MAN1C1: variants seen among roughly 807,000 people sequenced by gnomAD.
MAN1C1 encodes the protein mannosidase alpha class 1C member 1, also known as mannosyl-oligosaccharide 1,2-alpha-mannosidase IC.
In MAN1C1, 49 loss-of-function variants were observed where a neutral mutation model predicts 71.5. The observed-to-expected ratio is 0.69, with a 90% CI of 0.54 to 0.87. MAN1C1 has a LOEUF of 0.87. Ranked by LOEUF, MAN1C1 falls within the 40% of genes least tolerant of loss-of-function variation. The probability of loss-of-function intolerance (pLI) is 0.00; values close to 1 mark genes in which losing one functional copy is unlikely to be tolerated. For synonymous variants in MAN1C1, 352 were observed against 343.7 expected (o/e 1.02, Z -0.27); for missense variants, 743 against 835.0 (o/e 0.89, Z 1.36).
intron 2 of MAN1C1, among the ~76,000 whole-genome samples, chr1:25,733,568 C>T (rs576700545): frequency 6.6e-6 from 1 of 152,236 alleles, no homozygotes; most frequent in Admixed American, 6.5e-5. Flanking sequence ...TCCTCCTTAG[C>T]CACTCTGTTT....
intron 2 of MAN1C1, among the ~76,000 whole-genome samples, chr1:25,738,564 G>A (rs755291012): frequency 1.5e-4 from 23 of 152,196 alleles, no homozygotes; most frequent in Non-Finnish European, 1.0e-4. Context: ...GCACAACAGG[G>A]GACAGCTTGT....
At chr1:25,704,398 C>T (rs993257966) in intron 2 of MAN1C1, among the ~76,000 whole-genome samples, 7 of 152,236 alleles carry the variant, frequency 4.6e-5, no homozygotes, top group Non-Finnish European at 8.8e-5. Flanking sequence ...CATATCCTAT[C>T]CTTAGACCCA....
At chr1:25,677,873 T>TA (rs57948504) in intron 1 of MAN1C1, among the ~76,000 whole-genome samples, 5 of 140,182 alleles carry the variant, frequency 3.6e-5, no homozygotes, top group Admixed American at 7.0e-5. Context: ...TTTTTTTTTT[T>TA]AATCAAAACC....
At chr1:25,714,939 C>A (rs2046660791) in intron 2 of MAN1C1, among the ~76,000 whole-genome samples, 1 of 152,180 alleles carries the variant, frequency 6.6e-6, no homozygotes, top group Non-Finnish European at 1.5e-5. Flanking sequence ...TGCAAAAAAA[C>A]TCAAGCCCAT....
chr1:25,665,855 CTTTTTTTTT>C (rs757054975), intron 1 of MAN1C1, among the ~76,000 whole-genome samples: 1 of 96,914 alleles, frequency 1.0e-5, no homozygotes. Context: ...TTGGCATTGG[CTTTTTTTTT>C]TTTTTTTTTT....
At chr1:25,780,728 G>A (rs11808260) in intron 9 of MAN1C1, 7,357 of 532,300 alleles carry the variant, frequency 0.014, 425 homozygotes, top group African/African-American at 0.12. Flanking sequence ...TCCAGTCCCC[G>A]AGGGTCTTGT....
At chr1:25,743,521 AG>A (rs2047088805) in intron 2 of MAN1C1, among the ~76,000 whole-genome samples, 1 of 152,212 alleles carries the variant, frequency 6.6e-6, no homozygotes, top group Non-Finnish European at 1.5e-5. Context: ...AAGGCTTTCC[AG>A]TAAGTGCCTT....
chr1:25,662,088 C>T (rs1439826690), intron 1 of MAN1C1, among the ~76,000 whole-genome samples: 1 of 152,194 alleles, frequency 6.6e-6, no homozygotes, highest in Non-Finnish European at 1.5e-5. Flanking sequence ...TCTGTTGTCC[C>T]CTCACTTATA....
intron 1 of MAN1C1, among the ~76,000 whole-genome samples, chr1:25,672,286 C>T (rs1041834619): frequency 6.6e-6 from 1 of 152,216 alleles, no homozygotes; most frequent in Non-Finnish European, 1.5e-5. Context: ...TGCTTACCTA[C>T]ATTGGGCGAG....
intron 1 of MAN1C1, among the ~76,000 whole-genome samples, chr1:25,663,115 A>T (rs12410410): frequency 0.088 from 12,996 of 147,698 alleles, 1,250 homozygotes; most frequent in East Asian, 0.22. Context: ...ACATATATAT[A>T]TTTTATTTAT....
intron 1 of MAN1C1, among the ~76,000 whole-genome samples, chr1:25,673,430 G>T (rs1042553551): frequency 1.1e-4 from 17 of 152,148 alleles, no homozygotes; most frequent in African/African-American, 4.1e-4. Flanking sequence ...TGATACTTGG[G>T]CAAGTACCTC....
rs769741354 is a variant in MAN1C1 at position 25,764,825 on chromosome 1, G to A, written c.1141+858G>A. On this transcript the variant is annotated intron_variant, in intron 7 of 11. Transcript: ENST00000374332. The surrounding 1 kb of genome is among the most constrained non-coding windows in gnomAD (Gnocchi z 4.4). ...CACCTGACGGGAGGCCGAGGCAGGC[G>A]GATCACGAGGTCAGGAGTTCTAGAC... Among the ~76,000 whole-genome samples, 6 of 152,010 alleles carry A rather than the reference G, an allele frequency of 3.9e-5. No homozygotes were observed. Among genetic ancestry groups the A allele is most frequent in the Non-Finnish European group, 8.8e-5 (6 of 68,012 alleles).
intron 1 of MAN1C1, among the ~76,000 whole-genome samples, chr1:25,647,952 G>T (rs1403531422): frequency 6.6e-6 from 1 of 152,120 alleles, no homozygotes; most frequent in Admixed American, 6.5e-5. Context: ...GTGCTGCAGG[G>T]CTATCCTCCC....
At chr1:25,713,781 A>G (rs561480487) in intron 2 of MAN1C1, among the ~76,000 whole-genome samples, 69 of 152,188 alleles carry the variant, frequency 4.5e-4, no homozygotes, top group Non-Finnish European at 8.4e-4. Flanking sequence ...GCCATGGAGA[A>G]GGCATTCCTT....
At chr1:25,697,307 T>C (rs2046382538) in intron 2 of MAN1C1, among the ~76,000 whole-genome samples, 1 of 152,256 alleles carries the variant, frequency 6.6e-6, no homozygotes, top group South Asian at 2.1e-4. Context: ...CTTTTGTTAC[T>C]GACTTCTTTC....
rs1479687478 is a variant in MAN1C1, at chr1:25,778,694, C to G, written c.1477+370C>G. 1.3e-5 allele frequency among the ~76,000 whole-genome samples: 2 copies of G among 152,150 alleles called. No individual in the cohort carries two copies. The highest frequency in any genetic ancestry group is 4.1e-4 in the South Asian group (2 of 4,828). On this transcript the variant is annotated intron_variant, in intron 9 of 11. Coordinates refer to ENST00000374332, the MANE Select transcript of MAN1C1 (RefSeq NM_020379.4). This position sits in a 1 kb window ranked among gnomAD's most constrained non-coding sequence, Gnocchi z 5.5. Reference sequence around the variant, plus strand: ...GAGGCAGAAACGGCGGCTTCCTGAGCCCGGCACATGTCCCACCCTGAGTCT... The same window carrying G: ...GAGGCAGAAACGGCGGCTTCCTGAGGCCGGCACATGTCCCACCCTGAGTCT...
At chr1:25,670,568 C>T (rs541094649) in intron 1 of MAN1C1, among the ~76,000 whole-genome samples, 2 of 152,338 alleles carry the variant, frequency 1.3e-5, no homozygotes, top group East Asian at 3.9e-4. Context: ...TTGAGCCAGG[C>T]ACAGGGCAGC....
chr1:25,749,155 G>A, intron 3 of MAN1C1, 100 bp from the exon 4 acceptor site: 1 of 895,982 alleles, frequency 1.1e-6, no homozygotes. Flanking sequence ...CAGAGCCGGG[G>A]ACAGGTATGG....
chr1:25,617,825 GTCCCGGCC>G lies in MAN1C1; in HGVS notation c.33_40del (p.Ala12ValfsTer54). On this transcript the variant is annotated frameshift_variant, in exon 1 of 12. Coordinates refer to ENST00000374332, the MANE Select transcript of MAN1C1 (RefSeq NM_020379.4). LOFTEE classifies it high-confidence loss of function. This position sits in a 1 kb window ranked among gnomAD's most constrained non-coding sequence, Gnocchi z 5.1. ...GCTCATGAGGAAAGTGCCCGGCTTC[GTCCCGGCC>G]TCCCCGTGGGGGCTGCGGCTGCCGC... 6.2e-7 allele frequency: 1 copy of G among 1,604,228 alleles called. No individual in the cohort carries two copies. The highest frequency in any genetic ancestry group is 8.5e-7 in the Non-Finnish European group (1 of 1,176,482).
Sources: allele counts gnomAD v4.1 joint callset (sites outside exome capture counted in the v4.1 genomes callset), GRCh38; gene constraint gnomAD v4.1.1; non-coding constraint Gnocchi (gnomAD v3.1); transcripts MANE v1.5; gene names NCBI Gene and HGNC (gene_info 2026-07-23, HGNC 2026-07-21).